The following MS4A8 variants were observed in gnomAD, a reference collection of about 807,000 sequenced individuals.
MS4A8 encodes the protein membrane-spanning 4-domains subfamily A member 8.
A neutral mutation model predicts 23.7 loss-of-function variants in MS4A8; 27 were observed. The observed-to-expected ratio is 1.14, with a 90% CI of 0.84 to 1.57. MS4A8 has a LOEUF of 1.57. Ranked by LOEUF, MS4A8 falls within the 40% of genes most tolerant of loss-of-function variation. The pLI is 0.00. For missense variants in MS4A8, 301 were observed against 311.4 expected, an observed-to-expected ratio of 0.97 and a Z score of 0.25; for synonymous variants, 138 against 126.3, an observed-to-expected ratio of 1.09 and a Z score of -0.62.
chr11:60,702,336 A>G (rs567492363), intron 2 of MS4A8, among the ~76,000 whole-genome samples: 1 of 152,352 alleles, frequency 6.6e-6, no homozygotes, highest in South Asian at 2.1e-4. Context: ...GAAAAGCAGA[A>G]TGATTGTATG....
At chr11:60,708,460 C>T (rs111881618) in intron 4 of MS4A8, among the ~76,000 whole-genome samples, 190 bp from the exon 5 acceptor site, 5 of 152,302 alleles carry the variant, frequency 3.3e-5, no homozygotes, top group African/African-American at 1.2e-4. Context: ...AATGGTTGCA[C>T]AGCATTGTAG....
At chr11:60,704,116 C>CTTTT (rs1245958477) in intron 3 of MS4A8, among the ~76,000 whole-genome samples, 4 of 126,870 alleles carry the variant, frequency 3.2e-5, no homozygotes, top group Non-Finnish European at 4.9e-5. Flanking sequence ...TTTCTTTTTA[C>CTTTT]TTTTTTTTTT....
chr11:60,700,375 A>G (rs1295021499), intron 1 of MS4A8, among the ~76,000 whole-genome samples: 1 of 152,126 alleles, frequency 6.6e-6, no homozygotes, highest in African/African-American at 2.4e-5. Flanking sequence ...GGGAAACCCC[A>G]TCTCTACTAA....
At chr11:60,711,776 T>C in intron 5 of MS4A8, 1 of 455,880 alleles carries the variant, frequency 2.2e-6, no homozygotes, top group Non-Finnish European at 4.4e-6. Flanking sequence ...CCAGGTGCCC[T>C]GGAGTAGAGG....
At chr11:60,703,351 G>T (rs11230451) in intron 2 of MS4A8, 27 bp from the exon 3 acceptor site, 1 of 1,514,256 alleles carries the variant, frequency 6.6e-7, no homozygotes, top group Admixed American at 2.4e-5. Context: ...TCAGAAACAA[G>T]ACTTCAGCTT....
intron 2 of MS4A8, among the ~76,000 whole-genome samples, chr11:60,702,463 C>T (rs187789789): frequency 3.9e-5 from 6 of 152,214 alleles, no homozygotes; most frequent in African/African-American, 1.2e-4. Context: ...AGCGCAGTGG[C>T]GCAGTCTTGG....
At chr11:60,711,887 C>T (rs2088303660) in intron 5 of MS4A8, 1 of 455,932 alleles carries the variant, frequency 2.2e-6, no homozygotes, top group Admixed American at 2.4e-5. Context: ...ACCCATTCCA[C>T]CTTCAAGCCT....
intron 5 of MS4A8, among the ~76,000 whole-genome samples, chr11:60,711,660 A>G (rs774227401): frequency 6.6e-6 from 1 of 152,216 alleles, no homozygotes; most frequent in Non-Finnish European, 1.5e-5. Context: ...TCAGGGAGGC[A>G]TGGACTGCCC....
At chr11:60,711,190 G>T (rs1291488121) in intron 5 of MS4A8, among the ~76,000 whole-genome samples, 1 of 152,206 alleles carries the variant, frequency 6.6e-6, no homozygotes, top group Non-Finnish European at 1.5e-5. Flanking sequence ...ACCTAGAACT[G>T]TGTCTGGCAC....
rs960118641 is a variant in MS4A8, at chr11:60,715,364, C to T, written c.703C>T (p.Pro235Ser). ...YAANPVITPE[P>S]VTSPPSYSSE... is the part of the protein sequence containing the mutation. ...AGCAAACCCAGTGATCACCCCAGAA[C>T]CGGTGACCTCACCACCAAGTTATTC... is the stretch of plus-strand genomic sequence containing the variant. Residue 235 changes from proline to serine, a missense_variant, in exon 7 of 7, where the codon CCG becomes TCG. Physicochemically the swap from Pro to Ser is moderately conservative, Grantham distance 74. Transcript: ENST00000300226. The T allele has an allele frequency of 1.2e-6, 2 of 1,613,912 alleles. No homozygotes were observed. The highest frequency in any genetic ancestry group is 1.3e-5 in the African/African-American group (1 of 74,854).
In MS4A8 at chr11:60,703,516, C is replaced by T; in HGVS notation, c.342+16C>T. On this transcript the variant is annotated intron_variant, in intron 3 of 6. Coordinates refer to ENST00000300226, the MANE Select transcript of MS4A8 (RefSeq NM_031457.2). The stretch of plus-strand genomic sequence containing the variant: ...AGGCTTGTGGGTGAGTAACTCAAGT[C>T]CTCCTGCCGATGAGCTCCCAGAAGG... 1 of 1,605,290 alleles carries T rather than the reference C, an allele frequency of 6.2e-7. No individual in the cohort carries two copies. The highest frequency in any genetic ancestry group is 8.5e-7 in the Non-Finnish European group (1 of 1,176,410).
At chr11:60,701,322 G>C in intron 2 of MS4A8, 1 of 621,076 alleles carries the variant, frequency 1.6e-6, no homozygotes, top group South Asian at 1.5e-5. Context: ...CAAAAAAGCA[G>C]CACGCTTGAA....
rs141560093 is a variant in MS4A8, at chr11:60,702,145, A to G, written c.219+1066A>G. 3.5e-3 allele frequency among the ~76,000 whole-genome samples: 536 copies of G among 152,350 alleles called. 5 individuals are homozygous for G. The highest frequency in any genetic ancestry group is 0.026 in the South Asian group (126 of 4,826). ...GTACCCATCGTAAATTAAAAATATC[A>G]TAAGTAAAAAATACATTTAATACAT... On this transcript the variant is annotated intron_variant, in intron 2 of 6. Coordinates refer to ENST00000300226, the MANE Select transcript of MS4A8 (RefSeq NM_031457.2).
At chr11:60,706,125 C>T (rs2088254215) in intron 3 of MS4A8, among the ~76,000 whole-genome samples, 1 of 152,118 alleles carries the variant, frequency 6.6e-6, no homozygotes, top group African/African-American at 2.4e-5. Context: ...AAAATAATTG[C>T]ATAATATACT....
In MS4A8 at chr11:60,700,915, C is replaced by G; in HGVS notation, c.55C>G (p.Pro19Ala). 2 of 1,614,158 alleles carry G rather than the reference C, an allele frequency of 1.2e-6. No homozygotes were observed. Among genetic ancestry groups the G allele is most frequent in the Non-Finnish European group, 1.7e-6 (2 of 1,180,016 alleles). Residue 19 changes from proline to alanine, a missense_variant, in exon 2 of 7, where the codon CCC becomes GCC. Transcript: ENST00000300226. Reference sequence around the variant, plus strand: ...GGCCAATTCTGTGTTGGTGGTGGCACCCCACAATGGTTATCCTGTGACCCC... The same window carrying G: ...GGCCAATTCTGTGTTGGTGGTGGCAGCCCACAATGGTTATCCTGTGACCCC... ...PVANSVLVVA[P>A]HNGYPVTPGI...
Position 60,713,865 on chromosome 11 carries a change from C to CTTGAGATTAGGGAGTGGT in MS4A8, c.535-1137_535-1120dup, listed in dbSNP as rs572774595. 4.1e-3 allele frequency among the ~76,000 whole-genome samples: 590 copies of CTTGAGATTAGGGAGTGGT among 145,504 alleles called. 8 individuals are homozygous for CTTGAGATTAGGGAGTGGT. Among genetic ancestry groups the CTTGAGATTAGGGAGTGGT allele is most frequent in the African/African-American group, 0.014 (557 of 38,990 alleles). ...CCGCAGTGTTTTGTGTCTCTGGGTA[C>CTTGAGATTAGGGAGTGGT]TTGAGATTAGGGAGTGGTTTGAGAT... On this transcript the variant is annotated intron_variant, in intron 5 of 6. Coordinates refer to ENST00000300226, the MANE Select transcript of MS4A8 (RefSeq NM_031457.2).
At chr11:60,705,007 T>C (rs1456182208) in intron 3 of MS4A8, among the ~76,000 whole-genome samples, 2 of 152,094 alleles carry the variant, frequency 1.3e-5, no homozygotes, top group Admixed American at 6.6e-5. Context: ...AATGCAACTT[T>C]CCTCATAAAT....
intron 2 of MS4A8, 154 bp from the exon 3 acceptor site, chr11:60,703,224 G>A (rs2088220905): frequency 4.7e-6 from 4 of 851,048 alleles, no homozygotes; most frequent in Non-Finnish European, 6.6e-6. Context: ...CAGGCGGAGG[G>A]GAGATTACAG....
chr11:60,712,867 A>G (rs558401208), intron 5 of MS4A8, among the ~76,000 whole-genome samples: 72 of 152,162 alleles, frequency 4.7e-4, no homozygotes, highest in Middle Eastern at 3.4e-3. Context: ...CACCTTCACT[A>G]TGAAATGTTC....
Sources: allele counts gnomAD v4.1 joint callset (sites outside exome capture counted in the v4.1 genomes callset), GRCh38; gene constraint gnomAD v4.1.1; transcripts MANE v1.5; gene names NCBI Gene and HGNC (gene_info 2026-07-23, HGNC 2026-07-21).